Variants in ADGRB3 observed in about 807,000 individuals in gnomAD.
ADGRB3 encodes brain-specific angiogenesis inhibitor 3.
ADGRB3 carries 37 observed loss-of-function variants against 193.4 expected under a neutral mutation model. The observed-to-expected ratio is 0.19, with a 90% confidence interval of 0.15 to 0.25. ADGRB3 has a LOEUF of 0.25. Among genes scored for constraint, ADGRB3 ranks in the 10% least tolerant of loss-of-function variants. The pLI is 1.00. For synonymous variants in ADGRB3, 690 were observed against 644.2 expected, an observed-to-expected ratio of 1.07 and a Z score of -1.08; for missense variants, 1,637 against 1,852.9, an observed-to-expected ratio of 0.88 and a Z score of 2.14.
At chr6:68,734,575 A>C (rs1234392298) in intron 3 of ADGRB3, among the ~76,000 whole-genome samples, 1 of 152,036 alleles carries the variant, frequency 6.6e-6, no homozygotes, top group Non-Finnish European at 1.5e-5. Flanking sequence ...ATGTAAATGT[A>C]GAAGAAAAAC....
chr6:69,339,426 G>A lies in ADGRB3; in HGVS notation c.3381G>A (p.Leu1127=). 3.1e-6 allele frequency: 5 copies of A among 1,614,034 alleles called. No individual in the cohort carries two copies. The highest frequency in any genetic ancestry group is 4.2e-6 in the Non-Finnish European group (5 of 1,179,938). The change falls in exon 26 of 32, where the codon TTG becomes TTA. Residue 1127 remains leucine (L), a synonymous_variant. Coordinates refer to ENST00000370598, the MANE Select transcript of ADGRB3 (RefSeq NM_001704.3). ...CCATGACAGATAAACGCTCCATATT[G>A]TTTCAAATACTTTTTGCTGTGTTTG... ...VLAMTDKRSI[L]FQILFAVFDS... is the part of the protein sequence containing the mutation.
At chr6:69,330,003 CAAAT>C (rs1454277846) in intron 22 of ADGRB3, among the ~76,000 whole-genome samples, 2 of 152,068 alleles carry the variant, frequency 1.3e-5, no homozygotes, top group Non-Finnish European at 2.9e-5. Context: ...AAATAGCATG[CAAAT>C]GTAGCTTATC....
At chr6:69,381,479 C>A (rs1461429414) in intron 30 of ADGRB3, among the ~76,000 whole-genome samples, 1 of 151,744 alleles carries the variant, frequency 6.6e-6, no homozygotes, top group Non-Finnish European at 1.5e-5. Flanking sequence ...TAAAAGTAGG[C>A]TAGTGAAAAG....
chr6:69,185,693 T>G (rs1204918435), intron 17 of ADGRB3, among the ~76,000 whole-genome samples: 1 of 152,090 alleles, frequency 6.6e-6, no homozygotes, highest in Non-Finnish European at 1.5e-5. Context: ...TTGAAGAAAA[T>G]AAAATATGTG....
intron 20 of ADGRB3, among the ~76,000 whole-genome samples, chr6:69,284,566 C>T (rs529331664): frequency 1.3e-5 from 2 of 152,122 alleles, no homozygotes; most frequent in African/African-American, 4.8e-5. Flanking sequence ...CTGGTTACTA[C>T]TTTTCAACAT....
intron 3 of ADGRB3, among the ~76,000 whole-genome samples, chr6:68,682,733 G>T (rs1561993299): frequency 6.6e-6 from 1 of 151,524 alleles, no homozygotes; most frequent in Non-Finnish European, 1.5e-5. Context: ...AATGACAGAG[G>T]ACACATAAGG....
At chr6:69,254,409 T>A (rs1766703003) in intron 20 of ADGRB3, among the ~76,000 whole-genome samples, 1 of 152,178 alleles carries the variant, frequency 6.6e-6, no homozygotes, top group South Asian at 2.1e-4. Flanking sequence ...TATTACTTTT[T>A]TTTCCAATAC....
intron 17 of ADGRB3, among the ~76,000 whole-genome samples, chr6:69,123,141 T>G (rs1355537378): frequency 6.6e-6 from 1 of 152,068 alleles, no homozygotes; most frequent in Admixed American, 6.6e-5. Context: ...GCTATTATGG[T>G]CTACGTATAA....
In ADGRB3 at chr6:69,217,804, T is replaced by C. The variant is rs143537809; in HGVS notation, c.2481-15486T>C. 1.1e-3 allele frequency among the ~76,000 whole-genome samples: 169 copies of C among 152,320 alleles called. 1 individual carries two copies. Among genetic ancestry groups the C allele is most frequent in the Middle Eastern group, 6.8e-3 (2 of 294 alleles). On this transcript the variant is annotated intron_variant, in intron 17 of 31. Transcript: ENST00000370598. Reference sequence around the variant, plus strand: ...TGAAGAGCCTTCTGTCCTTGAGTCCTCCCTGACGTAGATCTGAGAGTGAGA... The same window carrying C: ...TGAAGAGCCTTCTGTCCTTGAGTCCCCCCTGACGTAGATCTGAGAGTGAGA...
At position 68,832,546 on chromosome 6, in the gene ADGRB3, G is replaced by A. The variant is rs748634679; in HGVS notation, c.758-98013G>A. Among the ~76,000 whole-genome samples the A allele has an allele frequency of 6.6e-5, 10 of 152,194 alleles. No individual in the cohort carries two copies. In the East Asian group the frequency reaches 1.5e-3, roughly 24 times the overall value. ...TAAATCATATCAACAAAGATGATAC[G>A]TTACTGCCTTAATTATAACAGCATG... On this transcript the variant is annotated intron_variant, in intron 3 of 31. Transcript: ENST00000370598.
chr6:69,298,627 C>T (rs1388211784), intron 20 of ADGRB3, among the ~76,000 whole-genome samples: 1 of 151,960 alleles, frequency 6.6e-6, no homozygotes, highest in Non-Finnish European at 1.5e-5. Flanking sequence ...TGAGTGAGAA[C>T]ATGTGATATT....
At chr6:68,717,830 G>A (rs1765512919) in intron 3 of ADGRB3, among the ~76,000 whole-genome samples, 1 of 151,638 alleles carries the variant, frequency 6.6e-6, no homozygotes, top group South Asian at 2.1e-4. Context: ...TAGAAAATGT[G>A]AGGGCAAGGA....
intron 20 of ADGRB3, among the ~76,000 whole-genome samples, chr6:69,259,542 A>G (rs1221349406): frequency 9.2e-5 from 14 of 151,946 alleles, no homozygotes; most frequent in Admixed American, 8.5e-4. Flanking sequence ...AAAAAACGCA[A>G]AAAAATAGCC....
At chr6:69,214,459 G>A (rs547183336) in intron 17 of ADGRB3, among the ~76,000 whole-genome samples, 2 of 151,996 alleles carry the variant, frequency 1.3e-5, no homozygotes, top group South Asian at 2.1e-4. Flanking sequence ...AACATTTGGG[G>A]GACAGGTACT....
chr6:68,657,996 C>T (rs9454603), intron 3 of ADGRB3, among the ~76,000 whole-genome samples: 8,132 of 151,358 alleles, frequency 0.054, 703 homozygotes, highest in African/African-American at 0.18. Flanking sequence ...TCAAATGGAA[C>T]AAACAACAGA....
chr6:68,789,076 A>G (rs1767042493), intron 3 of ADGRB3, among the ~76,000 whole-genome samples: 1 of 151,968 alleles, frequency 6.6e-6, no homozygotes, highest in African/African-American at 2.4e-5. Flanking sequence ...TTTCCTGAAT[A>G]CAGCACACTG....
At chr6:68,945,798 G>A (rs1172267359) in intron 6 of ADGRB3, among the ~76,000 whole-genome samples, 1 of 152,104 alleles carries the variant, frequency 6.6e-6, no homozygotes, top group Non-Finnish European at 1.5e-5. Context: ...GAGAGGCTAT[G>A]TTACAGTTCA....
intron 20 of ADGRB3, among the ~76,000 whole-genome samples, chr6:69,312,404 C>T (rs760377136): frequency 1.6e-4 from 25 of 151,628 alleles, no homozygotes; most frequent in Non-Finnish European, 5.9e-5. Context: ...GGTTGGATAG[C>T]TCAGAGATAG....
chr6:69,332,738 A>G, intron 23 of ADGRB3, 185 bp from the exon 24 acceptor site: 3 of 985,456 alleles, frequency 3.0e-6, no homozygotes, highest in Non-Finnish European at 3.6e-6. Context: ...TTACAACTTT[A>G]AAGTAGCACA....
Sources: allele counts gnomAD v4.1 joint callset (sites outside exome capture counted in the v4.1 genomes callset), GRCh38; gene constraint gnomAD v4.1.1; transcripts MANE v1.5; gene names NCBI Gene and HGNC (gene_info 2026-07-23, HGNC 2026-07-21).